The following LEF1 variants were observed in gnomAD, a reference collection of about 807,000 sequenced individuals.
LEF1 encodes lymphoid enhancer-binding factor 1.
Under a neutral mutation model 51.2 loss-of-function variants are expected in LEF1, and 14 were observed. The ratio of observed to expected loss-of-function variants is 0.27; its 90% CI spans 0.18 to 0.43. The LOEUF (loss-of-function observed/expected upper bound fraction) is 0.43, where lower values mean the gene tolerates loss of function less well. LEF1 is among the 20% of genes least tolerant of loss of function. The pLI is 1.00. For synonymous variants in LEF1, 185 were observed against 183.2 expected (o/e 1.01, Z -0.08); for missense variants, 386 against 512.0 (o/e 0.75, Z 2.37).
chr4:108,090,643 G>A (rs1739960880), intron 3 of LEF1, among the ~76,000 whole-genome samples: 1 of 152,068 alleles, frequency 6.6e-6, no homozygotes, highest in African/African-American at 2.4e-5. Context: ...TATAAAAGGT[G>A]GAATGATCAA....
At chr4:108,109,412 C>T (rs2110310665) in intron 3 of LEF1, among the ~76,000 whole-genome samples, 1 of 152,306 alleles carries the variant, frequency 6.6e-6, no homozygotes, top group South Asian at 2.1e-4. Flanking sequence ...GACAGACTGC[C>T]TGGGTTTGAA....
At chr4:108,104,930 C>T (rs905334635) in intron 3 of LEF1, among the ~76,000 whole-genome samples, 6 of 152,044 alleles carry the variant, frequency 3.9e-5, no homozygotes, top group African/African-American at 9.7e-5. Flanking sequence ...CCTGGGAGTC[C>T]GCACTGTCTT....
rs1391459575 is a variant in LEF1, at chr4:108,078,191, G to A, written c.1008+29C>T. On this transcript the variant is annotated intron_variant, in intron 8 of 11. Transcript: ENST00000265165. Reference sequence around the variant, plus strand: ...CATGAAGCAGTTCCATGGCTACCATGAACATTTACACATGACTCGGCTACT... The same window carrying A: ...CATGAAGCAGTTCCATGGCTACCATAAACATTTACACATGACTCGGCTACT... 16 of 1,607,412 alleles carry A rather than the reference G, an allele frequency of 1.0e-5. No individual in the cohort carries two copies. In the East Asian group the frequency reaches 3.6e-4, roughly 36 times the overall value.
At chr4:108,062,404 C>A (rs1447668302) in intron 11 of LEF1, among the ~76,000 whole-genome samples, 1 of 152,174 alleles carries the variant, frequency 6.6e-6, no homozygotes, top group Non-Finnish European at 1.5e-5. Flanking sequence ...GTGCGGTGCC[C>A]TCTTGCCATG....
At position 108,165,655 on chromosome 4, in the gene LEF1, T is replaced by G. The variant is rs76401857; in HGVS notation, c.214-492A>C. Among the ~76,000 whole-genome samples, 634 of 152,334 alleles carry G rather than the reference T, an allele frequency of 4.2e-3. 6 individuals carry two copies. Among genetic ancestry groups the G allele is most frequent in the African/African-American group, 0.014 (601 of 41,574 alleles). ...CACTCAGATGCGGTCTTAAGGCAAC[T>G]GCCCTGAGCGCAGTTACAGCAGAAG... On this transcript the variant is annotated intron_variant, in intron 1 of 11. Transcript: ENST00000265165.
At position 108,109,374 on chromosome 4, in the gene LEF1, T is replaced by C. The variant is rs1004544225; in HGVS notation, c.415-20117A>G. On this transcript the variant is annotated intron_variant, in intron 3 of 11. Coordinates refer to ENST00000265165, the MANE Select transcript of LEF1 (RefSeq NM_016269.5). ...AAAAGGGACAAGTTGTTTTCCAGTA[T>C]GGAAGGTGATTAAGCATGAACTCCA... Among the ~76,000 whole-genome samples the C allele has an allele frequency of 2.6e-5, 4 of 152,208 alleles. No individual in the cohort carries two copies. In the South Asian group the frequency reaches 8.3e-4, roughly 32 times the overall value.
intron 3 of LEF1, among the ~76,000 whole-genome samples, chr4:108,110,992 T>C (rs887595603): frequency 1.3e-5 from 2 of 152,164 alleles, no homozygotes; most frequent in Non-Finnish European, 2.9e-5. Context: ...AACTAGTATA[T>C]AGAAAGATGA....
At chr4:108,060,717 A>G in intron 11 of LEF1, among the ~76,000 whole-genome samples, 1 of 151,948 alleles carries the variant, frequency 6.6e-6, no homozygotes, top group Non-Finnish European at 1.5e-5. Context: ...TCCCTAACTT[A>G]TTTTTATTAT....
chr4:108,093,886 AC>A (rs1452373771), intron 3 of LEF1, among the ~76,000 whole-genome samples: 1 of 152,258 alleles, frequency 6.6e-6, no homozygotes, highest in African/African-American at 2.4e-5. Context: ...CATAGTAATT[AC>A]AGCAATTAAC....
rs2067601 is a variant in LEF1 at position 108,118,526 on chromosome 4, T to A, written c.415-29269A>T. 9.8e-3 allele frequency among the ~76,000 whole-genome samples: 1,490 copies of A among 152,348 alleles called. 11 individuals carry two copies. The highest frequency in any genetic ancestry group is 0.017 in the Middle Eastern group (5 of 294). On this transcript the variant is annotated intron_variant, in intron 3 of 11. Transcript: ENST00000265165. Reference sequence around the variant, plus strand: ...TGAATGACATGTGAAAAGACATTACTTCTAAATATCTATGTAAGGCCACCT... The same window carrying A: ...TGAATGACATGTGAAAAGACATTACATCTAAATATCTATGTAAGGCCACCT...
At position 108,167,351 on chromosome 4, in the gene LEF1, TACACACACAC is replaced by T. The variant is rs35000095; in HGVS notation, c.213+194_213+203del. On this transcript the variant is annotated intron_variant, in intron 1 of 11. Transcript: ENST00000265165. This position sits in a 1 kb window ranked among gnomAD's most constrained non-coding sequence, Gnocchi z 5.7. ...TACCCTGCCCCTCTACCTCCCATCC[TACACACACAC>T]ACACACACACACACACACACACACA... 1.1e-3 allele frequency among the ~76,000 whole-genome samples: 148 copies of T among 131,770 alleles called. 1 individual carries two copies. Among genetic ancestry groups the T allele is most frequent in the South Asian group, 7.1e-3 (25 of 3,528 alleles). The allele number at this position is 131,770 out of a possible 152,430, so 86.4% of individuals were successfully genotyped here. A position where few individuals can be genotyped will look rare whatever the true frequency, so the allele number is the denominator to read the frequency against.
At position 108,083,367 on chromosome 4, in the gene LEF1, T is replaced by TG; in HGVS notation, c.626dup (p.Pro210ThrfsTer67). 1 of 1,610,100 alleles carries TG rather than the reference T, an allele frequency of 6.2e-7. No individual in the cohort carries two copies. Among genetic ancestry groups the TG allele is most frequent in the South Asian group, 1.1e-5 (1 of 91,006 alleles). On this transcript the variant is annotated frameshift_variant, in exon 5 of 12. Coordinates refer to ENST00000265165, the MANE Select transcript of LEF1 (RefSeq NM_016269.5). LOFTEE classifies it high-confidence loss of function. ...AGCAAGGTTCTTACCAGCCAAGAGG[T>TG]GGGGTGATCTGTCCAACACCACCCG... is the stretch of plus-strand genomic sequence containing the variant.
At chr4:108,127,767 G>A (rs541603269) in intron 3 of LEF1, among the ~76,000 whole-genome samples, 1 of 152,194 alleles carries the variant, frequency 6.6e-6, no homozygotes, top group East Asian at 1.9e-4. Flanking sequence ...ATGCAACAGG[G>A]GGGTATGTAG....
At chr4:108,073,815 C>T (rs1738652451) in intron 8 of LEF1, among the ~76,000 whole-genome samples, 1 of 120,388 alleles carries the variant, frequency 8.3e-6, no homozygotes, top group African/African-American at 2.8e-5. Flanking sequence ...GCTTTAAGTC[C>T]TCTGATAACC....
At chr4:108,120,285 C>T (rs1321278190) in intron 3 of LEF1, among the ~76,000 whole-genome samples, 2 of 152,186 alleles carry the variant, frequency 1.3e-5, no homozygotes, top group Non-Finnish European at 2.9e-5. Flanking sequence ...CCTGCCTCAG[C>T]CTCCCAAAGT....
intron 11 of LEF1, among the ~76,000 whole-genome samples, chr4:108,059,240 G>T (rs893997615): frequency 6.6e-6 from 1 of 152,212 alleles, no homozygotes; most frequent in Non-Finnish European, 1.5e-5. Context: ...CAGCCTCTCC[G>T]CTGGGCTGCA....
chr4:108,089,363 C>T, intron 3 of LEF1, 106 bp from the exon 4 acceptor site: 2 of 1,216,362 alleles, frequency 1.6e-6, no homozygotes, highest in East Asian at 2.4e-5. Flanking sequence ...ATCAACATAA[C>T]CCAAGAATCA....
intron 3 of LEF1, among the ~76,000 whole-genome samples, chr4:108,089,986 G>A (rs1739907100): frequency 6.6e-6 from 1 of 151,952 alleles, no homozygotes; most frequent in Non-Finnish European, 1.5e-5. Context: ...ATGAAATACT[G>A]TCTTTTTTTT....
chr4:108,155,416 A>C (rs1744626831), intron 3 of LEF1, among the ~76,000 whole-genome samples: 1 of 152,182 alleles, frequency 6.6e-6, no homozygotes, highest in African/African-American at 2.4e-5. Flanking sequence ...ATACGATGAC[A>C]TTCCCCTGAA....
Sources: allele counts gnomAD v4.1 joint callset (sites outside exome capture counted in the v4.1 genomes callset), GRCh38; gene constraint gnomAD v4.1.1; non-coding constraint Gnocchi (gnomAD v3.1); transcripts MANE v1.5; gene names NCBI Gene and HGNC (gene_info 2026-07-23, HGNC 2026-07-21).